The following TMEM39A variants were observed in gnomAD, a reference collection of about 807,000 sequenced individuals.
TMEM39A encodes the protein suppressor of SQST-1 aggregates in rpl-43 mutants.
A neutral mutation model predicts 51.9 loss-of-function variants in TMEM39A; 19 were observed. That is an observed-to-expected ratio of 0.37 (90% CI 0.26 to 0.54). The LOEUF (loss-of-function observed/expected upper bound fraction) is 0.54, where lower values mean the gene tolerates loss of function less well. TMEM39A is among the 20% of genes least tolerant of loss of function. TMEM39A has a pLI of 0.88. For synonymous variants in TMEM39A, 197 were observed against 220.2 expected, an observed-to-expected ratio of 0.89 and a Z score of 0.93; for missense variants, 433 against 590.5, an observed-to-expected ratio of 0.73 and a Z score of 2.76.
At chr3:119,432,269 G>A (rs1479391221) in intron 8 of TMEM39A, 55 bp from the exon 9 acceptor site, 2 of 1,250,232 alleles carry the variant, frequency 1.6e-6, no homozygotes, top group African/African-American at 3.0e-5. Flanking sequence ...AATGGCTACA[G>A]TTATTCTTGC....
chr3:119,452,552 A>G (rs1333929124), intron 3 of TMEM39A, 22 bp from the exon 4 acceptor site: 6 of 1,589,840 alleles, frequency 3.8e-6, no homozygotes, highest in Non-Finnish European at 1.7e-6. Flanking sequence ...ATAAATAACT[A>G]CATCAGAAAG....
chr3:119,453,103 T>G (rs1380219448), intron 3 of TMEM39A, among the ~76,000 whole-genome samples: 1 of 152,210 alleles, frequency 6.6e-6, no homozygotes, highest in East Asian at 1.9e-4. Flanking sequence ...TCCTTCTAGT[T>G]CTAAATCTGT....
At chr3:119,433,493 A>T (rs2080926294) in intron 8 of TMEM39A, among the ~76,000 whole-genome samples, 1 of 152,142 alleles carries the variant, frequency 6.6e-6, no homozygotes, top group Non-Finnish European at 1.5e-5. Flanking sequence ...AATCAGTAAT[A>T]AATCAACTTG....
chr3:119,449,091 G>A (rs548000423), intron 4 of TMEM39A, among the ~76,000 whole-genome samples: 4 of 152,184 alleles, frequency 2.6e-5, no homozygotes, highest in South Asian at 4.1e-4. Flanking sequence ...GTTAGTAAAC[G>A]GTATTTAAGC....
chr3:119,429,095 A>T lies in TMEM39A; in HGVS notation c.*2886T>A, dbSNP rs546825228. 6.6e-6 allele frequency among the ~76,000 whole-genome samples: 1 copy of T among 152,220 alleles called. No homozygotes were observed. The highest frequency in any genetic ancestry group is 2.1e-4 in the South Asian group (1 of 4,820). ...CTGGTTTACTTGTCTGTCTTCTATT[A>T]GTTAATGAACTCGAACATCACTATC... On this transcript the variant is annotated 3_prime_UTR_variant, in exon 9 of 9. Transcript: ENST00000319172.
At chr3:119,443,169 G>T (rs942969165) in intron 5 of TMEM39A, among the ~76,000 whole-genome samples, 4 of 150,786 alleles carry the variant, frequency 2.7e-5, no homozygotes, top group African/African-American at 9.7e-5. Flanking sequence ...TAAGAAAGTT[G>T]TTTCTTGACA....
intron 7 of TMEM39A, chr3:119,436,490 T>C (rs2080969282): frequency 8.4e-6 from 2 of 237,592 alleles, no homozygotes; most frequent in African/African-American, 2.3e-5. Flanking sequence ...ATATGACTCT[T>C]TGAATTCGGG....
At chr3:119,451,830 C>CA (rs10653676) in intron 4 of TMEM39A, among the ~76,000 whole-genome samples, 1,265 of 53,922 alleles carry the variant, frequency 0.023, 61 homozygotes, top group African/African-American at 0.068. Context: ...AACTCCGTCT[C>CA]AAAAAAAAAA....
chr3:119,461,881 T>A, intron 2 of TMEM39A, 81 bp downstream of exon 2: 3 of 1,109,514 alleles, frequency 2.7e-6, no homozygotes, highest in Admixed American at 2.6e-5. Context: ...TAAGCAAATA[T>A]CTGAATGACA....
chr3:119,452,330 T>C (rs1285039389), intron 4 of TMEM39A, 117 bp downstream of exon 4: 6 of 654,238 alleles, frequency 9.2e-6, no homozygotes, highest in Admixed American at 3.1e-5. Flanking sequence ...AGAACTCACA[T>C]GGGAGTAAAG....
At chr3:119,443,816 G>A (rs781654013) in intron 5 of TMEM39A, among the ~76,000 whole-genome samples, 3 of 151,944 alleles carry the variant, frequency 2.0e-5, no homozygotes, top group Non-Finnish European at 2.9e-5. Context: ...CCCTAGGATT[G>A]CTTGAGCAAT....
At chr3:119,451,208 C>T in intron 4 of TMEM39A, 2 of 1,266,382 alleles carry the variant, frequency 1.6e-6, no homozygotes, top group Non-Finnish European at 2.0e-6. Context: ...AATCCTACTA[C>T]CTGTGCTTTT....
At position 119,434,907 on chromosome 3, in the gene TMEM39A, T is replaced by C. The variant is rs755367041; in HGVS notation, c.1113-25A>G. 4 of 1,610,174 alleles carry C rather than the reference T, an allele frequency of 2.5e-6. No individual in the cohort carries two copies. The East Asian group carries it at 6.7e-5, about 27-fold the overall frequency. On this transcript the variant is annotated intron_variant, in intron 7 of 8. Coordinates refer to ENST00000319172, the MANE Select transcript of TMEM39A (RefSeq NM_018266.3). ...ACTAAGGGAGAAAGAAATGCAATGT[T>C]AGCATATTGGCAATTACAGATAAGA...
chr3:119,432,994 C>T (rs944317646), intron 8 of TMEM39A, among the ~76,000 whole-genome samples: 3 of 152,062 alleles, frequency 2.0e-5, no homozygotes, highest in Non-Finnish European at 4.4e-5. Flanking sequence ...TTTTCTAATA[C>T]AAAGTTATTA....
At chr3:119,441,871 C>A (rs1396271965) in intron 5 of TMEM39A, among the ~76,000 whole-genome samples, 1 of 152,210 alleles carries the variant, frequency 6.6e-6, no homozygotes, top group Non-Finnish European at 1.5e-5. Flanking sequence ...AAGTGGAAGC[C>A]AATGCTTATT....
At chr3:119,437,078 G>T in intron 6 of TMEM39A, 100 bp from the exon 7 acceptor site, 1 of 1,091,248 alleles carries the variant, frequency 9.2e-7, no homozygotes, top group Non-Finnish European at 1.3e-6. Context: ...GCCACACTGA[G>T]TCACACATGC....
chr3:119,435,574 T>A, intron 7 of TMEM39A: 1 of 982,618 alleles, frequency 1.0e-6, no homozygotes, highest in Non-Finnish European at 1.2e-6. Flanking sequence ...AGGTTAAGCT[T>A]TTTAAAAAAA....
intron 4 of TMEM39A, among the ~76,000 whole-genome samples, chr3:119,449,013 G>A (rs1173151215): frequency 1.3e-5 from 2 of 152,136 alleles, no homozygotes; most frequent in Non-Finnish European, 2.9e-5. Flanking sequence ...ATTGTAATGA[G>A]TGCTATAGGA....
chr3:119,458,570 C>G (rs753491672), intron 2 of TMEM39A, among the ~76,000 whole-genome samples: 7 of 152,174 alleles, frequency 4.6e-5, no homozygotes, highest in Non-Finnish European at 7.3e-5. Context: ...ACTCAGTTAG[C>G]TGCCCACATC....
Sources: allele counts gnomAD v4.1 joint callset (sites outside exome capture counted in the v4.1 genomes callset), GRCh38; gene constraint gnomAD v4.1.1; transcripts MANE v1.5; gene names NCBI Gene and HGNC (gene_info 2026-07-23, HGNC 2026-07-21).